BBS9: variants seen among roughly 807,000 people sequenced by gnomAD.
The protein encoded by BBS9 is Bardet-Biedl syndrome 9.
A neutral mutation model predicts 117.7 loss-of-function variants in BBS9; 89 were observed. The observed-to-expected ratio is 0.76, with a 90% CI of 0.64 to 0.90. The LOEUF is 0.90. BBS9 is among the 40% of genes least tolerant of loss of function. The pLI is 0.00. For missense variants in BBS9, 982 were observed against 1,042.2 expected (o/e 0.94, Z 0.80); for synonymous variants, 379 against 370.9 (o/e 1.02, Z -0.25).
intron 4 of BBS9, among the ~76,000 whole-genome samples, chr7:33,173,059 T>C (rs906441049): frequency 9.8e-5 from 15 of 152,294 alleles, no homozygotes; most frequent in African/African-American, 3.6e-4. Flanking sequence ...TTTAGTTCAA[T>C]AGGTGTTCTT....
At chr7:33,527,533 T>C (rs2129051372) in intron 20 of BBS9, among the ~76,000 whole-genome samples, 1 of 152,290 alleles carries the variant, frequency 6.6e-6, no homozygotes, top group Non-Finnish European at 1.5e-5. Context: ...GTCACCCCTT[T>C]CTTTGACTCG....
intron 9 of BBS9, among the ~76,000 whole-genome samples, chr7:33,325,286 T>C (rs1486914802): frequency 6.6e-6 from 1 of 152,256 alleles, no homozygotes; most frequent in African/African-American, 2.4e-5. Flanking sequence ...TTCTTCATTA[T>C]GTCAGTTGCA....
At chr7:33,521,174 T>C (rs6951800) in intron 20 of BBS9, among the ~76,000 whole-genome samples, 18,295 of 152,218 alleles carry the variant, frequency 0.12, 1,165 homozygotes, top group African/African-American at 0.16. Flanking sequence ...TAATCTACTT[T>C]GTGTTCCTCC....
At chr7:33,187,734 C>G (rs1293498667) in intron 5 of BBS9, among the ~76,000 whole-genome samples, 1 of 151,900 alleles carries the variant, frequency 6.6e-6, no homozygotes. Flanking sequence ...GCCTGGCCAA[C>G]GTGGTAAAAC....
Position 33,224,360 on chromosome 7 carries a change from A to G in BBS9, c.443-32876A>G, listed in dbSNP as rs148000283. 1.7e-3 allele frequency among the ~76,000 whole-genome samples: 253 copies of G among 152,338 alleles called. 1 individual carries two copies. Among genetic ancestry groups the G allele is most frequent in the Non-Finnish European group, 2.2e-4 (15 of 68,036 alleles). ...TGGTGGATCTGACCCTGTAGACTGAATTCTTAACTGTTCTATATCTGTCTG... is the reference window on the plus strand; with the variant it reads ...TGGTGGATCTGACCCTGTAGACTGAGTTCTTAACTGTTCTATATCTGTCTG... On this transcript the variant is annotated intron_variant, in intron 5 of 22. Coordinates refer to ENST00000242067, the MANE Select transcript of BBS9 (RefSeq NM_198428.3).
chr7:33,411,252 C>T (rs921374215), intron 19 of BBS9, among the ~76,000 whole-genome samples: 2 of 152,156 alleles, frequency 1.3e-5, no homozygotes, highest in South Asian at 4.2e-4. Context: ...TACTTCAAAT[C>T]CCTGAAGTAT....
intron 19 of BBS9, among the ~76,000 whole-genome samples, chr7:33,468,837 T>C (rs1245828983): frequency 6.6e-6 from 1 of 152,200 alleles, no homozygotes; most frequent in Non-Finnish European, 1.5e-5. Flanking sequence ...TGACAGAATT[T>C]CATTCTTTTT....
At chr7:33,254,091 A>G (rs897583088) in intron 5 of BBS9, among the ~76,000 whole-genome samples, 1 of 152,190 alleles carries the variant, frequency 6.6e-6, no homozygotes, top group African/African-American at 2.4e-5. Flanking sequence ...AATTGCTCCT[A>G]TGCTAACTGA....
rs191173051 is a variant in BBS9, at chr7:33,584,402, C to A, written c.2522-20463C>A. 1.1e-4 allele frequency among the ~76,000 whole-genome samples: 16 copies of A among 152,054 alleles called. No homozygotes were observed. In the East Asian group the frequency reaches 2.5e-3, roughly 24 times the overall value. ...TGATAGCTAAGATCCTCATTTTTAA[C>A]CTAATGCTAACGTGAATATTTTGTC... On this transcript the variant is annotated intron_variant, in intron 21 of 22. Coordinates refer to ENST00000242067, the MANE Select transcript of BBS9 (RefSeq NM_198428.3).
chr7:33,519,262 C>A (rs1326612761), intron 20 of BBS9, among the ~76,000 whole-genome samples: 5 of 152,116 alleles, frequency 3.3e-5, no homozygotes, highest in Admixed American at 6.6e-5. Context: ...TGGTTCTTCT[C>A]TTGTCCTAGG....
intron 19 of BBS9, among the ~76,000 whole-genome samples, chr7:33,503,466 G>T (rs1041250027): frequency 4.6e-5 from 7 of 152,206 alleles, no homozygotes; most frequent in Non-Finnish European, 8.8e-5. Context: ...CATAATAATC[G>T]CAATGTTAGT....
intron 21 of BBS9, among the ~76,000 whole-genome samples, chr7:33,597,230 A>T (rs1049782086): frequency 2.0e-5 from 3 of 152,082 alleles, no homozygotes; most frequent in African/African-American, 7.2e-5. Context: ...CACATGAATT[A>T]TAAACCATTG....
chr7:33,314,829 A>C (rs1391411939), intron 9 of BBS9, among the ~76,000 whole-genome samples: 5 of 152,152 alleles, frequency 3.3e-5, no homozygotes, highest in African/African-American at 1.2e-4. Flanking sequence ...TTATAGAAAA[A>C]CTATTTTGTG....
At chr7:33,470,551 T>G (rs4637716) in intron 19 of BBS9, among the ~76,000 whole-genome samples, 85,400 of 151,884 alleles carry the variant, frequency 0.56, 25,520 homozygotes, top group African/African-American at 0.78. Flanking sequence ...GTTCCTCTAT[T>G]GATATGTACG....
rs1380942921 is a variant in BBS9 at position 33,351,325 on chromosome 7, T to TAA, written c.1537+4_1537+5dup. 6.3e-7 allele frequency: 1 copy of TAA among 1,576,024 alleles called. No individual in the cohort carries two copies. The highest frequency in any genetic ancestry group is 8.7e-7 in the Non-Finnish European group (1 of 1,145,552). ...TTGTTTCTTATTCCAGACCAACAGG[T>TAA]AAACATACAGGCTTAATCATTACTT... On this transcript the variant is annotated splice_region_variant and intron_variant, in intron 14 of 22. Transcript: ENST00000242067.
intron 21 of BBS9, among the ~76,000 whole-genome samples, chr7:33,611,441 ATAT>A (rs1585474025): frequency 7.0e-6 from 1 of 143,520 alleles, no homozygotes; most frequent in East Asian, 2.0e-4. Context: ...ATCTTCTTTA[ATAT>A]TATAATATTT....
At chr7:33,279,776 G>C (rs1801465745) in intron 9 of BBS9, among the ~76,000 whole-genome samples, 1 of 151,856 alleles carries the variant, frequency 6.6e-6, no homozygotes, top group Non-Finnish European at 1.5e-5. Context: ...AATTTTTGTA[G>C]GTCAGACTAT....
At chr7:33,542,238 C>T (rs1852436064) in intron 21 of BBS9, among the ~76,000 whole-genome samples, 2 of 152,118 alleles carry the variant, frequency 1.3e-5, no homozygotes, top group South Asian at 4.1e-4. Context: ...GCGTGTGCCA[C>T]CATGCCCGGC....
At chr7:33,354,658 T>C (rs2128677190) in intron 15 of BBS9, among the ~76,000 whole-genome samples, 1 of 152,230 alleles carries the variant, frequency 6.6e-6, no homozygotes, top group African/African-American at 2.4e-5. Flanking sequence ...CTTATTTTTT[T>C]TCTATGTTCT....
Sources: allele counts gnomAD v4.1 joint callset (sites outside exome capture counted in the v4.1 genomes callset), GRCh38; gene constraint gnomAD v4.1.1; transcripts MANE v1.5; gene names NCBI Gene and HGNC (gene_info 2026-07-23, HGNC 2026-07-21).